Variants in EPS15L1 observed in about 807,000 individuals in gnomAD.
EPS15L1 encodes epidermal growth factor receptor substrate 15-like 1.
In EPS15L1, 43 loss-of-function variants were observed where a neutral mutation model predicts 117.1. That is an observed-to-expected ratio of 0.37 (90% CI 0.29 to 0.47). EPS15L1 has a LOEUF of 0.47. Among genes scored for constraint, EPS15L1 ranks in the 20% least tolerant of loss-of-function variants. EPS15L1 has a pLI of 0.99. For missense variants in EPS15L1, 981 were observed against 1,164.0 expected (o/e 0.84, Z 2.29); for synonymous variants, 459 against 470.5 (o/e 0.98, Z 0.32).
At chr19:16,377,290 T>C (rs1045443954) in intron 21 of EPS15L1, 36 bp from the exon 22 acceptor site, 20 of 1,606,898 alleles carry the variant, frequency 1.2e-5, no homozygotes, top group Non-Finnish European at 1.7e-5. Context: ...GCAAAAATAG[T>C]TGTTAAAACA....
chr19:16,438,853 T>C (rs973322085), intron 4 of EPS15L1, among the ~76,000 whole-genome samples: 1 of 152,088 alleles, frequency 6.6e-6, no homozygotes, highest in Non-Finnish European at 1.5e-5. Flanking sequence ...CAGTCGTAAA[T>C]ACACACGGTT....
intron 3 of EPS15L1, 37 bp from the exon 4 acceptor site, chr19:16,440,946 C>A: frequency 6.2e-7 from 1 of 1,608,212 alleles, no homozygotes; most frequent in Non-Finnish European, 8.5e-7. Context: ...GCATGACTGC[C>A]GATCACTGTC....
chr19:16,433,421 C>T (rs759312624), intron 7 of EPS15L1, among the ~76,000 whole-genome samples: 1 of 152,094 alleles, frequency 6.6e-6, no homozygotes, highest in Non-Finnish European at 1.5e-5. Flanking sequence ...CGTGAGCCAC[C>T]GCACCAGGCT....
intron 4 of EPS15L1, among the ~76,000 whole-genome samples, 172 bp from the exon 5 acceptor site, chr19:16,438,037 C>T (rs1047885807): frequency 2.0e-5 from 3 of 152,156 alleles, no homozygotes; most frequent in Non-Finnish European, 4.4e-5. Flanking sequence ...TTGGGGACAT[C>T]GCTTAAATGA....
intron 1 of EPS15L1, among the ~76,000 whole-genome samples, chr19:16,468,718 G>A (rs2093324246): frequency 6.6e-6 from 1 of 152,154 alleles, no homozygotes; most frequent in South Asian, 2.1e-4. Flanking sequence ...ATATGTTTTA[G>A]AAGATGAATC....
intron 16 of EPS15L1, among the ~76,000 whole-genome samples, chr19:16,397,205 T>G (rs1349446964): frequency 1.3e-5 from 2 of 152,084 alleles, no homozygotes; most frequent in African/African-American, 2.4e-5. Context: ...TTCTCCTGCC[T>G]CAGCCTCCTG....
rs373976968 is a variant in EPS15L1 at position 16,361,979 on chromosome 19, T to A, written c.2386A>T (p.Ser796Cys). The change falls in exon 23 of 24, where the codon AGT becomes TGT. Residue 796 changes from serine (S) to cysteine (C), a missense_variant. Coordinates refer to ENST00000455140, the MANE Select transcript of EPS15L1 (RefSeq NM_001258374.3). ...GAACCAAGCTGGCTTACAGGTGTAC[T>A]TTTACCTGGAAAGTTTAGGAGAAAA... is the stretch of plus-strand genomic sequence containing the variant. Reference protein sequence around the residue: ...PPRPKPPSGKSTPVSQLGSAD... With the variant: ...PPRPKPPSGKCTPVSQLGSAD... 1.2e-4 allele frequency: 188 copies of A among 1,591,818 alleles called. No individual in the cohort carries two copies. Among genetic ancestry groups the A allele is most frequent in the Non-Finnish European group, 1.4e-4 (169 of 1,171,830 alleles).
chr19:16,434,222 A>G (rs2092957134), intron 7 of EPS15L1, 143 bp downstream of exon 7: 1 of 1,132,122 alleles, frequency 8.8e-7, no homozygotes, highest in East Asian at 2.4e-5. Flanking sequence ...GGCTGGACCC[A>G]CAGGAGCGCT....
At chr19:16,363,920 T>C (rs1182946590) in intron 22 of EPS15L1, among the ~76,000 whole-genome samples, 4 of 152,226 alleles carry the variant, frequency 2.6e-5, no homozygotes, top group Non-Finnish European at 2.9e-5. Context: ...ACAGAAGGAC[T>C]CGGAGACAAA....
intron 15 of EPS15L1, 104 bp from the exon 16 acceptor site, chr19:16,402,589 T>G (rs1416244628): frequency 1.8e-6 from 2 of 1,085,402 alleles, no homozygotes; most frequent in East Asian, 4.9e-5. Context: ...TCACCCAGAC[T>G]GGAATGTAGT....
chr19:16,421,641 G>A (rs934036919), intron 9 of EPS15L1, among the ~76,000 whole-genome samples, 165 bp from the exon 10 acceptor site: 2 of 152,146 alleles, frequency 1.3e-5, no homozygotes, highest in Admixed American at 1.3e-4. Flanking sequence ...TTCTGTAACT[G>A]GCAAAACTGA....
intron 1 of EPS15L1, among the ~76,000 whole-genome samples, chr19:16,448,548 G>GGC (rs969020799): frequency 1.0e-5 from 1 of 99,202 alleles, no homozygotes; most frequent in African/African-American, 5.1e-5. Flanking sequence ...TAAAAAAAAA[G>GGC]GGGGGGGGAG....
At chr19:16,460,207 C>T (rs374621128) in intron 1 of EPS15L1, among the ~76,000 whole-genome samples, 2 of 152,208 alleles carry the variant, frequency 1.3e-5, no homozygotes, top group African/African-American at 4.8e-5. Flanking sequence ...GAGGATGAAC[C>T]CAGGAGTCTG....
chr19:16,436,686 C>G, intron 6 of EPS15L1: 1 of 428,176 alleles, frequency 2.3e-6, no homozygotes, highest in Non-Finnish European at 4.2e-6. Flanking sequence ...ACTCCTGACA[C>G]TTAGTTGTCC....
intron 20 of EPS15L1, among the ~76,000 whole-genome samples, chr19:16,385,819 T>C (rs1388114759): frequency 6.6e-6 from 1 of 152,200 alleles, no homozygotes; most frequent in Admixed American, 6.5e-5. Flanking sequence ...ACCCACAACA[T>C]AGGCCAGTAC....
chr19:16,369,979 G>A (rs189429580), intron 22 of EPS15L1, among the ~76,000 whole-genome samples: 8 of 152,272 alleles, frequency 5.3e-5, no homozygotes, highest in South Asian at 4.1e-4. Flanking sequence ...TCCTCCCTAC[G>A]GAGTGTGCCA....
Position 16,362,068 on chromosome 19 carries a change from A to C in EPS15L1, c.2381-84T>G. The C allele has an allele frequency of 8.0e-6, 11 of 1,368,276 alleles. No individual in the cohort carries two copies. In the South Asian group the frequency reaches 1.5e-4, roughly 19 times the overall value. The allele number at this position is 1,368,276 out of a possible 1,614,324, so 84.8% of individuals were successfully genotyped here. ...GACAGAGCAGAATGCTGGTGGGCAC[A>C]AGCCCGGGGCGCTTCTCTGAGAAAA... On this transcript the variant is annotated intron_variant, in intron 22 of 23. Coordinates refer to ENST00000455140, the MANE Select transcript of EPS15L1 (RefSeq NM_001258374.3).
chr19:16,369,325 G>T (rs1299689890), intron 22 of EPS15L1, among the ~76,000 whole-genome samples: 9 of 152,262 alleles, frequency 5.9e-5, no homozygotes, highest in African/African-American at 2.2e-4. Context: ...AATATTTACC[G>T]AATTTTGAGA....
chr19:16,437,133 A>G lies in EPS15L1; in HGVS notation c.310-134T>C, dbSNP rs561325620. On this transcript the variant is annotated intron_variant, in intron 5 of 23. Coordinates refer to ENST00000455140, the MANE Select transcript of EPS15L1 (RefSeq NM_001258374.3). ...ACTTCACAAAGTTAAACACAGAATC[A>G]CCACATGACCCAGCAATTCCACTCC... 4.0e-5 allele frequency: 28 copies of G among 698,748 alleles called. No homozygotes were observed. In the Admixed American group the frequency reaches 5.7e-4, roughly 14 times the overall value. 43.3% of individuals were successfully genotyped at this position (698,748 alleles called of 1,614,324 possible). A position where few individuals can be genotyped will look rare whatever the true frequency, so the allele number is the denominator to read the frequency against.
Sources: gnomAD v4.1 joint callset for allele counts (sites outside exome capture counted in the v4.1 genomes callset) on GRCh38, gnomAD v4.1.1 for gene constraint, MANE v1.5 for transcripts, NCBI Gene and HGNC (gene_info 2026-07-23, HGNC 2026-07-21) for gene names.